FLCN: variants seen among roughly 807,000 people sequenced by gnomAD.
FLCN encodes the protein BHD skin lesion fibrofolliculoma protein.
In FLCN, 22 loss-of-function variants were observed where a neutral mutation model predicts 62.5. The ratio of observed to expected loss-of-function variants is 0.35; its 90% confidence interval spans 0.25 to 0.50. FLCN has a LOEUF of 0.50. FLCN is among the 20% of genes least tolerant of loss of function. FLCN has a pLI of 0.97. For synonymous variants in FLCN, 319 were observed against 310.0 expected, an observed-to-expected ratio of 1.03 and a Z score of -0.30; for missense variants, 657 against 778.0, an observed-to-expected ratio of 0.84 and a Z score of 1.85.
At chr17:17,236,198 T>A in intron 1 of FLCN, 1 of 152,142 alleles carries the variant, frequency 6.6e-6, no homozygotes, top group East Asian at 1.9e-4. Flanking sequence ...AAGCCCAGGG[T>A]GAAAAGTTCT....
intron 5 of FLCN, chr17:17,224,377 C>A: frequency 1.8e-6 from 1 of 571,276 alleles, no homozygotes; most frequent in Non-Finnish European, 3.1e-6. Context: ...AGGCTTATTG[C>A]TTTTCTTCCA....
intron 9 of FLCN, chr17:17,217,454 T>C: frequency 2.0e-6 from 1 of 511,926 alleles, no homozygotes; most frequent in Non-Finnish European, 3.5e-6. Flanking sequence ...AGCAAAAAGA[T>C]GTTAACTTTG....
chr17:17,215,144 C>A (rs2046874244), intron 12 of FLCN, 41 bp downstream of exon 12: 1 of 1,613,870 alleles, frequency 6.2e-7, no homozygotes, highest in South Asian at 1.1e-5. Flanking sequence ...GGGGCGGGGG[C>A]ATCTTCTCAC....
In FLCN at chr17:17,224,244, C is replaced by G. The variant is rs1213453448; in HGVS notation, c.397-101G>C. 7.2e-6 allele frequency: 8 copies of G among 1,104,236 alleles called. No individual in the cohort carries two copies. The Admixed American group carries it at 1.6e-4, about 22-fold the overall frequency. 68.4% of individuals were successfully genotyped at this position (1,104,236 alleles called of 1,614,324 possible). A position where few individuals can be genotyped will look rare whatever the true frequency, so the allele number is the denominator to read the frequency against. On this transcript the variant is annotated intron_variant, in intron 5 of 13. Coordinates refer to ENST00000285071, the MANE Select transcript of FLCN (RefSeq NM_144997.7). ...TTCAGAGTCAGCTGGCACAAATCAG[C>G]CAGCGTTAATAACGGGGAGAGTGGC...
intron 6 of FLCN, among the ~76,000 whole-genome samples, chr17:17,223,402 C>G (rs1440914923): frequency 6.8e-6 from 1 of 148,012 alleles, no homozygotes; most frequent in African/African-American, 2.5e-5. Flanking sequence ...CTAGGGGAAG[C>G]ATTTTCATAT....
Position 17,224,119 on chromosome 17 carries a change from T to C in FLCN, c.421A>G (p.Ile141Val), listed in dbSNP as rs375921200. 9 of 1,602,436 alleles carry C rather than the reference T, an allele frequency of 5.6e-6. No homozygotes were observed. Among genetic ancestry groups the C allele is most frequent in the Admixed American group, 1.7e-5 (1 of 57,832 alleles). ...CEVCPGREGP[I>V]FFGDEQHGFV... is the part of the protein sequence containing the mutation. ...CCGTGCTGCTCATCTCCGAAGAAGATGGGGCCTTCACGGCCAGGGCAGACC... is the reference window on the plus strand; with the variant it reads ...CCGTGCTGCTCATCTCCGAAGAAGACGGGGCCTTCACGGCCAGGGCAGACC... The change falls in exon 6 of 14, where the codon ATC becomes GTC. Residue 141 changes from isoleucine (I) to valine (V), a missense_variant. Coordinates refer to ENST00000285071, the MANE Select transcript of FLCN (RefSeq NM_144997.7).
At chr17:17,226,050 C>T (rs1054251970) in intron 5 of FLCN, 126 bp downstream of exon 5, 1 of 1,351,788 alleles carries the variant, frequency 7.4e-7, no homozygotes, top group Non-Finnish European at 1.0e-6. Flanking sequence ...CTGTGCTGAT[C>T]TGCGGGTCCG....
chr17:17,215,399 C>A, intron 11 of FLCN, 83 bp from the exon 12 acceptor site: 1 of 1,602,256 alleles, frequency 6.2e-7, no homozygotes, highest in Non-Finnish European at 8.5e-7. Context: ...GGCCCCACTC[C>A]GCTCATCCCA....
chr17:17,228,666 G>C, intron 3 of FLCN: 1 of 178,324 alleles, frequency 5.6e-6, no homozygotes, highest in Non-Finnish European at 1.2e-5. Context: ...ACTGCTTCCT[G>C]CGAGAGGCCC....
intron 7 of FLCN, among the ~76,000 whole-genome samples, chr17:17,221,843 T>C (rs1210796381): frequency 6.6e-6 from 1 of 152,038 alleles, no homozygotes; most frequent in Admixed American, 6.5e-5. Flanking sequence ...GGGGAGGGGA[T>C]GCAAGGGGGA....
rs1012819901 is a variant in FLCN, at chr17:17,213,327, T to C, written c.*328A>G. On this transcript the variant is annotated 3_prime_UTR_variant, in exon 14 of 14. Transcript: ENST00000285071. ...CTGCATACTGAGTCGGACCTGTTTC[T>C]CCTGCGGGTTTTGAGTCTAAGTCCA... is the stretch of plus-strand genomic sequence containing the variant. The C allele has an allele frequency of 4.0e-6, 2 of 501,640 alleles. No homozygotes were observed. Among genetic ancestry groups the C allele is most frequent in the Non-Finnish European group, 7.3e-6 (2 of 273,244 alleles). The allele number at this position is 501,640 out of a possible 1,614,324, so 31.1% of individuals were successfully genotyped here.
intron 1 of FLCN, among the ~76,000 whole-genome samples, chr17:17,233,925 G>A (rs1039630116): frequency 4.0e-5 from 6 of 151,624 alleles, no homozygotes; most frequent in African/African-American, 1.2e-4. Context: ...GTTTCACCAT[G>A]TTGGCCAGGC....
In FLCN at chr17:17,222,634, G is replaced by C. The variant is rs1274746260; in HGVS notation, c.646C>G (p.Pro216Ala). The C allele has an allele frequency of 6.2e-7, 1 of 1,614,078 alleles. No individual in the cohort carries two copies. Among genetic ancestry groups the C allele is most frequent in the African/African-American group, 1.3e-5 (1 of 74,928 alleles). ...KVFEAEQFGC[P>A]QRAQRMNTAF... ...GTGTTCATCCTCTGAGCACGCTGTG[G>C]GCATCCAAACTGCTCTGCCTCAAAC... is the stretch of plus-strand genomic sequence containing the variant. Residue 216 changes from proline to alanine, a missense_variant, in exon 7 of 14, where the codon CCA (proline) becomes GCA (alanine). Coordinates refer to ENST00000285071, the MANE Select transcript of FLCN (RefSeq NM_144997.7).
At chr17:17,217,385 C>A (rs2046958868) in intron 9 of FLCN, 1 of 610,698 alleles carries the variant, frequency 1.6e-6, no homozygotes. Flanking sequence ...CACATAAATG[C>A]TAGATTCCAA....
chr17:17,215,951 A>G (rs2046906549), intron 11 of FLCN, among the ~76,000 whole-genome samples: 1 of 152,242 alleles, frequency 6.6e-6, no homozygotes, highest in African/African-American at 2.4e-5. Context: ...CCTCGGGCAC[A>G]TGAGGTGAAG....
intron 11 of FLCN, among the ~76,000 whole-genome samples, chr17:17,215,945 G>A (rs114873696): frequency 0.018 from 2,723 of 152,264 alleles, 76 homozygotes; most frequent in African/African-American, 0.061. Flanking sequence ...GGAAGACCTC[G>A]GGCACATGAG....
At chr17:17,227,857 G>C (rs751793942) in intron 4 of FLCN, 32 bp downstream of exon 4, 1 of 1,613,748 alleles carries the variant, frequency 6.2e-7, no homozygotes, top group African/African-American at 1.3e-5. Flanking sequence ...CTACTGCAGG[G>C]ATCACAAAAC....
At chr17:17,226,626 T>C (rs1403429537) in intron 4 of FLCN, among the ~76,000 whole-genome samples, 1 of 152,154 alleles carries the variant, frequency 6.6e-6, no homozygotes, top group Admixed American at 6.5e-5. Flanking sequence ...TCTGAGATAA[T>C]GTCAGTGAGA....
At chr17:17,235,209 G>A (rs993060750) in intron 1 of FLCN, among the ~76,000 whole-genome samples, 22 of 151,990 alleles carry the variant, frequency 1.4e-4, no homozygotes, top group African/African-American at 4.6e-4. Flanking sequence ...GAACCTGGGA[G>A]ACGGAGGTTG....
Sources: allele counts gnomAD v4.1 joint callset (sites outside exome capture counted in the v4.1 genomes callset), GRCh38; gene constraint gnomAD v4.1.1; transcripts MANE v1.5; gene names NCBI Gene and HGNC (gene_info 2026-07-23, HGNC 2026-07-21).